Variants in ADAMTSL1 observed in about 807,000 individuals in gnomAD.
ADAMTSL1 encodes the protein ADAMTS-like protein 1.
ADAMTSL1 carries 126 observed loss-of-function variants against 201.8 expected under a neutral mutation model. The ratio of observed to expected loss-of-function variants is 0.62; its 90% CI spans 0.54 to 0.72. ADAMTSL1 has a LOEUF of 0.72. ADAMTSL1 is among the 30% of genes least tolerant of loss of function. The pLI is 0.00. For synonymous variants in ADAMTSL1, 1,121 were observed against 903.4 expected (o/e 1.24, Z -4.32); for missense variants, 2,679 against 2,277.8 (o/e 1.18, Z -3.59).
At position 18,271,341 on chromosome 9, in the gene ADAMTSL1, C is replaced by T. The variant is rs1403455619; in HGVS notation, c.207+107360C>T. 3.3e-5 allele frequency among the ~76,000 whole-genome samples: 5 copies of T among 152,130 alleles called. No homozygotes were observed. The East Asian group carries it at 9.7e-4, about 30-fold the overall frequency. ...TGCTATCCCTCCCCACTCCCCCCAC[C>T]CCACAACCCGGTGTGTGATGTTCCC... On this transcript the variant is annotated intron_variant, in intron 2 of 29. Coordinates refer to the ADAMTSL1 transcript ENST00000680146.
At chr9:18,307,474 T>G (rs7040530) in intron 2 of ADAMTSL1, among the ~76,000 whole-genome samples, 110,133 of 151,934 alleles carry the variant, frequency 0.72, 41,308 homozygotes, top group African/African-American at 0.92. Context: ...ACACACATAG[T>G]CTTAAAATAA....
intron 2 of ADAMTSL1, among the ~76,000 whole-genome samples, chr9:18,467,084 A>T (rs1025601924): frequency 6.6e-6 from 1 of 152,164 alleles, no homozygotes; most frequent in African/African-American, 2.4e-5. Context: ...CAGTTACGTA[A>T]AGGGTGCTGT....
chr9:18,684,252 A>G (rs1830689171), intron 12 of ADAMTSL1, among the ~76,000 whole-genome samples: 1 of 152,194 alleles, frequency 6.6e-6, no homozygotes, highest in South Asian at 2.1e-4. Flanking sequence ...TCAGAGTGAA[A>G]GAGTTTGTTT....
intron 8 of ADAMTSL1, among the ~76,000 whole-genome samples, chr9:18,660,523 T>A (rs1040973286): frequency 1.1e-4 from 17 of 152,264 alleles, no homozygotes; most frequent in African/African-American, 3.9e-4. Flanking sequence ...AGAATAATCA[T>A]CTCAGATTAA....
intron 1 of ADAMTSL1, among the ~76,000 whole-genome samples, chr9:18,031,348 G>T (rs1165094975): frequency 1.3e-5 from 2 of 151,952 alleles, no homozygotes; most frequent in Non-Finnish European, 2.9e-5. Flanking sequence ...TTCCTTTGAA[G>T]CCTTGACTGT....
chr9:18,742,962 T>G (rs540091741), intron 15 of ADAMTSL1, among the ~76,000 whole-genome samples: 5 of 152,284 alleles, frequency 3.3e-5, no homozygotes, highest in African/African-American at 1.2e-4. Context: ...ACAAGAAATT[T>G]ATACCTAGAA....
intron 2 of ADAMTSL1, among the ~76,000 whole-genome samples, chr9:18,224,796 A>G (rs748203379): frequency 7.2e-5 from 11 of 152,112 alleles, no homozygotes; most frequent in Non-Finnish European, 1.6e-4. Flanking sequence ...TTGAATAGTG[A>G]TATAGCTGGG....
intron 2 of ADAMTSL1, among the ~76,000 whole-genome samples, chr9:18,255,482 C>A (rs954040016): frequency 3.9e-5 from 6 of 152,150 alleles, no homozygotes; most frequent in African/African-American, 1.4e-4. Flanking sequence ...CTCCTGTGAC[C>A]AGCTACTTAT....
chr9:17,994,121 T>TGTGTGTGTGTGTGTGTGTG, intron 1 of ADAMTSL1, among the ~76,000 whole-genome samples: 1 of 151,858 alleles, frequency 6.6e-6, no homozygotes, highest in African/African-American at 2.4e-5. Flanking sequence ...TGTGTGTGTG[T>TGTGTGTGTGTGTGTGTGTG]TTCTATATAG....
At chr9:18,823,991 A>G (rs1169141689) in intron 21 of ADAMTSL1, among the ~76,000 whole-genome samples, 2 of 151,934 alleles carry the variant, frequency 1.3e-5, no homozygotes, top group South Asian at 2.1e-4. Flanking sequence ...CTCCATCTCA[A>G]TAAGAAAGAA....
intron 1 of ADAMTSL1, among the ~76,000 whole-genome samples, chr9:18,032,198 C>A (rs1052755609): frequency 6.6e-6 from 1 of 152,174 alleles, no homozygotes; most frequent in Non-Finnish European, 1.5e-5. Flanking sequence ...GGGAGGGATG[C>A]CTGGCTCCTA....
intron 1 of ADAMTSL1, among the ~76,000 whole-genome samples, chr9:18,152,624 C>T (rs1010880372): frequency 1.3e-5 from 2 of 151,838 alleles, no homozygotes; most frequent in African/African-American, 2.4e-5. Flanking sequence ...TCTCAGTTAC[C>T]ACAGAAAACA....
chr9:18,208,404 C>G (rs1829740713), intron 2 of ADAMTSL1, among the ~76,000 whole-genome samples: 1 of 152,076 alleles, frequency 6.6e-6, no homozygotes, highest in South Asian at 2.1e-4. Flanking sequence ...GAAATTCTTA[C>G]TGAAGTTTGT....
intron 23 of ADAMTSL1, among the ~76,000 whole-genome samples, chr9:18,882,159 C>G (rs1828573572): frequency 6.6e-6 from 1 of 152,158 alleles, no homozygotes; most frequent in Admixed American, 6.5e-5. Context: ...CCTAAATACT[C>G]TCTCAGAAAA....
intron 2 of ADAMTSL1, among the ~76,000 whole-genome samples, chr9:18,394,436 A>G (rs1360383359): frequency 2.0e-5 from 3 of 152,182 alleles, no homozygotes; most frequent in African/African-American, 7.2e-5. Flanking sequence ...TGACATTGTA[A>G]ATGTAAGACC....
At chr9:18,455,423 C>T (rs887733838) in intron 2 of ADAMTSL1, among the ~76,000 whole-genome samples, 1 of 152,074 alleles carries the variant, frequency 6.6e-6, no homozygotes, top group Non-Finnish European at 1.5e-5. Flanking sequence ...AAGCTGGTAC[C>T]ACTTACCCCC....
At chr9:18,408,669 G>C (rs964213494) in intron 2 of ADAMTSL1, among the ~76,000 whole-genome samples, 1 of 152,074 alleles carries the variant, frequency 6.6e-6, no homozygotes, top group Non-Finnish European at 1.5e-5. Flanking sequence ...GTTCAGTTCT[G>C]TCTCATTCTA....
chr9:18,903,712 G>GTGAT (rs56705273), intron 26 of ADAMTSL1, among the ~76,000 whole-genome samples: 1 of 151,624 alleles, frequency 6.6e-6, no homozygotes, highest in East Asian at 1.9e-4. Flanking sequence ...GTATCCACAG[G>GTGAT]TGATTGATTG....
In ADAMTSL1 at chr9:18,661,951, G is replaced by T. The variant is rs148178041; in HGVS notation, c.963G>T (p.Ser321=). Residue 321 remains serine, a synonymous_variant, in exon 9 of 29, where the codon TCG becomes TCT. Coordinates refer to ENST00000380548, the MANE Select transcript of ADAMTSL1 (RefSeq NM_001040272.6). The stretch of plus-strand genomic sequence containing the variant: ...ATACTACAGGTTATCAGCTGACATC[G>T]GCTGAGTGCTACGATCTGAGGAGCA... ...ATCGGGYQLT[S]AECYDLRSNR... The T allele has an allele frequency of 2.5e-6, 4 of 1,613,406 alleles. No homozygotes were observed. The highest frequency in any genetic ancestry group is 3.3e-5 in the Admixed American group (2 of 59,914).
Sources: allele counts gnomAD v4.1 joint callset (sites outside exome capture counted in the v4.1 genomes callset), GRCh38; gene constraint gnomAD v4.1.1; transcripts MANE v1.5; gene names NCBI Gene and HGNC (gene_info 2026-07-23, HGNC 2026-07-21).